The following KMT2E variants were observed in gnomAD, a reference collection of about 807,000 sequenced individuals.
KMT2E encodes the protein histone reader KMT2E.
Under a neutral mutation model 184.6 loss-of-function variants are expected in KMT2E, and 30 were observed. The observed-to-expected ratio is 0.16, with a 90% CI of 0.12 to 0.22. The LOEUF is 0.22. Among genes scored for constraint, KMT2E ranks in the 10% least tolerant of loss-of-function variants. KMT2E has a pLI of 1.00. For missense variants in KMT2E, 2,023 were observed against 2,237.4 expected (o/e 0.90, Z 1.93); for synonymous variants, 815 against 776.5 (o/e 1.05, Z -0.82).
At chr7:105,075,927 T>A (rs1797507791) in intron 8 of KMT2E, 116 bp from the exon 9 acceptor site, 1 of 737,142 alleles carries the variant, frequency 1.4e-6, no homozygotes, top group African/African-American at 1.8e-5. Context: ...CTTTCTTGGT[T>A]ACCAAATTTT....
chr7:105,018,978 AATATAAAATGAGTATTTTACTTT>A (rs1430816775), intron 1 of KMT2E, among the ~76,000 whole-genome samples: 5 of 152,278 alleles, frequency 3.3e-5, no homozygotes, highest in African/African-American at 1.2e-4. Context: ...TACTTTGTAT[AATATAAAATGAGTATTTTACTTT>A]ATATAAAATA....
At chr7:105,110,902 G>A (rs1799216689) in intron 26 of KMT2E, 34 bp downstream of exon 26, 2 of 1,475,026 alleles carry the variant, frequency 1.4e-6, no homozygotes, top group Non-Finnish European at 1.9e-6. Context: ...GGTTCCAAAG[G>A]ACTTTAGGTT....
chr7:105,058,235 A>C (rs1318038585), intron 3 of KMT2E, among the ~76,000 whole-genome samples: 2 of 151,708 alleles, frequency 1.3e-5, no homozygotes, highest in African/African-American at 4.8e-5. Flanking sequence ...CTCTTTTTCT[A>C]TTTTTCTTTT....
chr7:105,105,389 G>C, intron 17 of KMT2E, 50 bp from the exon 18 acceptor site: 1 of 1,360,270 alleles, frequency 7.4e-7, no homozygotes, highest in Non-Finnish European at 1.0e-6. Flanking sequence ...ATATTCAAGG[G>C]AGAATTTGGA....
chr7:105,034,219 T>C (rs1339625087), intron 1 of KMT2E, among the ~76,000 whole-genome samples: 1 of 152,174 alleles, frequency 6.6e-6, no homozygotes, highest in Admixed American at 6.5e-5. Context: ...TACAATGTCC[T>C]GACTAGTGTG....
intron 21 of KMT2E, 42 bp downstream of exon 21, chr7:105,107,264 C>G: frequency 6.7e-7 from 1 of 1,499,728 alleles, no homozygotes. Context: ...TAGTTTTTTT[C>G]CTATTACATT....
intron 1 of KMT2E, among the ~76,000 whole-genome samples, chr7:105,032,193 C>G (rs1370853396): frequency 6.6e-6 from 1 of 151,864 alleles, no homozygotes; most frequent in Non-Finnish European, 1.5e-5. Flanking sequence ...CCTGTAATCC[C>G]AGCATTTTGG....
chr7:105,035,409 T>C (rs2129564887), intron 1 of KMT2E, among the ~76,000 whole-genome samples: 1 of 151,716 alleles, frequency 6.6e-6, no homozygotes, highest in South Asian at 2.1e-4. Context: ...CCTCAAATTG[T>C]CCACCTGCCT....
chr7:105,088,752 A>G (rs1263395530), intron 13 of KMT2E, among the ~76,000 whole-genome samples: 3 of 152,242 alleles, frequency 2.0e-5, no homozygotes, highest in African/African-American at 7.2e-5. Context: ...ACAAGATGCT[A>G]ATCCTCAGTG....
chr7:105,060,041 G>C, intron 3 of KMT2E, among the ~76,000 whole-genome samples: 1 of 121,198 alleles, frequency 8.3e-6, no homozygotes, highest in African/African-American at 3.1e-5. Context: ...TGTCGCCCAG[G>C]CTGGAGTGCA....
At chr7:105,088,269 A>G (rs976225860) in intron 13 of KMT2E, among the ~76,000 whole-genome samples, 17 of 152,198 alleles carry the variant, frequency 1.1e-4, no homozygotes, top group African/African-American at 3.6e-4. Flanking sequence ...TGCTTAATAA[A>G]CAAAAGCTGT....
chr7:105,025,552 A>G (rs1209049799), intron 1 of KMT2E, among the ~76,000 whole-genome samples: 1 of 152,138 alleles, frequency 6.6e-6, no homozygotes, highest in Non-Finnish European at 1.5e-5. Flanking sequence ...TGCAGGATTA[A>G]TAATTCTTCT....
intron 1 of KMT2E, among the ~76,000 whole-genome samples, chr7:105,036,104 A>T (rs1403331254): frequency 6.6e-6 from 1 of 150,744 alleles, no homozygotes; most frequent in Non-Finnish European, 1.5e-5. Flanking sequence ...TTCCTTAATT[A>T]TAAATTCTAG....
intron 13 of KMT2E, among the ~76,000 whole-genome samples, chr7:105,083,546 G>C (rs1797841802): frequency 6.6e-6 from 1 of 152,170 alleles, no homozygotes; most frequent in Admixed American, 6.5e-5. Context: ...AAGACTGGCA[G>C]CTTCCGTTTG....
intron 3 of KMT2E, among the ~76,000 whole-genome samples, chr7:105,050,003 C>T (rs1052437072): frequency 3.3e-5 from 5 of 152,176 alleles, no homozygotes; most frequent in African/African-American, 1.2e-4. Context: ...CTTCATTCTT[C>T]CCTCTTGCCT....
intron 23 of KMT2E, among the ~76,000 whole-genome samples, chr7:105,110,042 C>G (rs1291758676): frequency 6.6e-6 from 1 of 151,930 alleles, no homozygotes; most frequent in Non-Finnish European, 1.5e-5. Context: ...ACCATGCTGG[C>G]CAGGCTGGTC....
chr7:105,078,289 C>T (rs1797614425), intron 11 of KMT2E, among the ~76,000 whole-genome samples: 1 of 152,134 alleles, frequency 6.6e-6, no homozygotes. Flanking sequence ...TTTCTACCTT[C>T]CATTAATTGC....
Position 105,107,825 on chromosome 7 carries a change from G to T in KMT2E, c.3368G>T (p.Cys1123Phe), listed in dbSNP as rs374830056. The T allele has an allele frequency of 8.1e-6, 13 of 1,614,078 alleles. No individual in the cohort carries two copies. In the South Asian group the frequency reaches 1.3e-4, roughly 16 times the overall value. Residue 1123 changes from cysteine to phenylalanine, a missense_variant, in exon 22 of 27, where the codon TGT (cysteine) becomes TTT (phenylalanine). Physicochemically the swap from Cys to Phe is radical, Grantham distance 205. Transcript: ENST00000311117. ...ATGTTTATGGAAACAACTGTGTTTT[G>T]TACTTCCGAAGATGGGCTTGTATCT... ...RGMFMETTVF[C>F]TSEDGLVSGF...
At chr7:105,109,925 G>A (rs1172291328) in intron 23 of KMT2E, among the ~76,000 whole-genome samples, 1 of 149,398 alleles carries the variant, frequency 6.7e-6, no homozygotes, top group Non-Finnish European at 1.5e-5. Flanking sequence ...CTCACTGCAA[G>A]CTCCACTTCC....
Sources: allele counts gnomAD v4.1 joint callset (sites outside exome capture counted in the v4.1 genomes callset), GRCh38; gene constraint gnomAD v4.1.1; transcripts MANE v1.5; gene names NCBI Gene and HGNC (gene_info 2026-07-23, HGNC 2026-07-21).